The following TMEM163 variants were observed in gnomAD, a reference collection of about 807,000 sequenced individuals.
TMEM163 encodes transmembrane protein 163.
In TMEM163, 17 loss-of-function variants were observed where a neutral mutation model predicts 29.3. The observed-to-expected ratio is 0.58, with a 90% CI of 0.40 to 0.87. The LOEUF (loss-of-function observed/expected upper bound fraction) is 0.87, where lower values mean the gene tolerates loss of function less well. TMEM163 is among the 40% of genes least tolerant of loss of function. The probability of loss-of-function intolerance (pLI) is 0.00; values close to 1 mark genes in which losing one functional copy is unlikely to be tolerated. For missense variants in TMEM163, 303 were observed against 381.5 expected, an observed-to-expected ratio of 0.79 and a Z score of 1.71; for synonymous variants, 157 against 160.6, an observed-to-expected ratio of 0.98 and a Z score of 0.17.
At chr2:134,707,087 C>G (rs1684831746) in intron 2 of TMEM163, among the ~76,000 whole-genome samples, 1 of 152,224 alleles carries the variant, frequency 6.6e-6, no homozygotes, top group South Asian at 2.1e-4. Context: ...AGAACACCGC[C>G]AGGATGTGGC....
Position 134,472,072 on chromosome 2 carries a change from G to A in TMEM163, c.556-5847C>T, listed in dbSNP as rs573965674. The stretch of plus-strand genomic sequence containing the variant: ...ATGACAAAAAGGTTTAAGGAAATTA[G>A]CCACTCATTCAAAGCCAAGTATAAA... On this transcript the variant is annotated intron_variant, in intron 5 of 7. Transcript: ENST00000281924. 5.3e-5 allele frequency among the ~76,000 whole-genome samples: 8 copies of A among 152,332 alleles called. No homozygotes were observed. The South Asian group carries it at 1.7e-3, about 32-fold the overall frequency.
intron 4 of TMEM163, among the ~76,000 whole-genome samples, chr2:134,549,828 G>T (rs551546757): frequency 6.6e-6 from 1 of 151,164 alleles, no homozygotes; most frequent in Non-Finnish European, 1.5e-5. Context: ...ACATATTAGC[G>T]TATAGGTATA....
At chr2:134,462,260 C>T (rs956881402) in intron 6 of TMEM163, among the ~76,000 whole-genome samples, 2 of 152,110 alleles carry the variant, frequency 1.3e-5, no homozygotes, top group South Asian at 2.1e-4. Context: ...TCACCCTATC[C>T]GAGCTGCCAT....
chr2:134,577,423 T>A (rs926174937), intron 2 of TMEM163, among the ~76,000 whole-genome samples: 3 of 152,148 alleles, frequency 2.0e-5, no homozygotes, highest in Non-Finnish European at 4.4e-5. Context: ...GAGGCACAGC[T>A]GGGACGCTGA....
At chr2:134,550,920 G>A (rs1680905253) in intron 3 of TMEM163, among the ~76,000 whole-genome samples, 1 of 152,192 alleles carries the variant, frequency 6.6e-6, no homozygotes, top group Non-Finnish European at 1.5e-5. Flanking sequence ...AGCGGAAGGT[G>A]GGGGAGTTCA....
intron 2 of TMEM163, among the ~76,000 whole-genome samples, chr2:134,655,139 G>A (rs1683570493): frequency 7.2e-6 from 1 of 138,662 alleles, no homozygotes; most frequent in Admixed American, 7.1e-5. Flanking sequence ...ATCCTGCAGA[G>A]TGTTTTCCAA....
At chr2:134,625,142 G>A (rs749481019) in intron 2 of TMEM163, among the ~76,000 whole-genome samples, 2 of 152,048 alleles carry the variant, frequency 1.3e-5, no homozygotes, top group African/African-American at 2.4e-5. Context: ...AAGGGAGAGA[G>A]AAAGAGAGAA....
chr2:134,546,577 G>C (rs1027142545), intron 4 of TMEM163, among the ~76,000 whole-genome samples: 1 of 151,638 alleles, frequency 6.6e-6, no homozygotes, highest in African/African-American at 2.4e-5. Flanking sequence ...CCGGGAGGCG[G>C]AGCTTGCAGT....
intron 2 of TMEM163, among the ~76,000 whole-genome samples, chr2:134,586,869 T>C (rs546589984): frequency 1.3e-5 from 2 of 152,314 alleles, no homozygotes; most frequent in South Asian, 2.1e-4. Context: ...GCATCACCTA[T>C]ATTTGTTAAT....
In TMEM163 at chr2:134,565,434, C is replaced by T. The variant is rs971302164; in HGVS notation, c.323-13343G>A. 1.8e-4 allele frequency among the ~76,000 whole-genome samples: 27 copies of T among 151,906 alleles called. 1 individual carries two copies. The highest frequency in any genetic ancestry group is 1.5e-3 in the Admixed American group (23 of 15,258). On this transcript the variant is annotated intron_variant, in intron 2 of 7. Coordinates refer to ENST00000281924, the MANE Select transcript of TMEM163 (RefSeq NM_030923.5). ...CAGCCTGGCCAACATGGTGAAACCTCGTCTCTACTGAAAATACAAAAATTA... is the reference window on the plus strand; with the variant it reads ...CAGCCTGGCCAACATGGTGAAACCTTGTCTCTACTGAAAATACAAAAATTA...
At chr2:134,707,735 C>A (rs1684845669) in intron 2 of TMEM163, among the ~76,000 whole-genome samples, 1 of 151,872 alleles carries the variant, frequency 6.6e-6, no homozygotes, top group East Asian at 1.9e-4. Context: ...GGAATGGGCG[C>A]CTGCAGTTGG....
intron 4 of TMEM163, among the ~76,000 whole-genome samples, chr2:134,503,602 A>G (rs770249278): frequency 3.3e-5 from 5 of 152,336 alleles, no homozygotes; most frequent in East Asian, 1.9e-4. Context: ...CATTTTCCCA[A>G]TGATGAAAAG....
intron 2 of TMEM163, among the ~76,000 whole-genome samples, chr2:134,632,058 C>T (rs895516430): frequency 3.9e-5 from 6 of 152,134 alleles, no homozygotes; most frequent in Admixed American, 1.3e-4. Context: ...GGACAAAATT[C>T]ACATTTGTCT....
intron 2 of TMEM163, among the ~76,000 whole-genome samples, chr2:134,621,544 A>G (rs1682733996): frequency 6.6e-6 from 1 of 152,184 alleles, no homozygotes; most frequent in Non-Finnish European, 1.5e-5. Flanking sequence ...TAGCAGCATC[A>G]CTCATAACAC....
intron 2 of TMEM163, among the ~76,000 whole-genome samples, chr2:134,712,445 G>A (rs1684945916): frequency 7.2e-6 from 1 of 138,962 alleles, no homozygotes; most frequent in Admixed American, 7.3e-5. Flanking sequence ...GTCACAAAAT[G>A]CAGTCTTTCC....
At chr2:134,610,395 C>T (rs1398809996) in intron 2 of TMEM163, among the ~76,000 whole-genome samples, 1 of 152,200 alleles carries the variant, frequency 6.6e-6, no homozygotes, top group Admixed American at 6.5e-5. Context: ...TCAGCGTGAT[C>T]CGAGTCAGCT....
rs532352758 is a variant in TMEM163 at position 134,542,489 on chromosome 2, C to T, written c.458+8081G>A. Among the ~76,000 whole-genome samples, 167 of 152,300 alleles carry T rather than the reference C, an allele frequency of 1.1e-3. 1 individual carries two copies. The highest frequency in any genetic ancestry group is 1.8e-3 in the Non-Finnish European group (124 of 68,026). ...GCAATCCCCAGGCCACAGACTGTCA[C>T]CTGCTTTATCTGTATTTATAGCCAC... On this transcript the variant is annotated intron_variant, in intron 4 of 7. Coordinates refer to ENST00000281924, the MANE Select transcript of TMEM163 (RefSeq NM_030923.5).
At chr2:134,533,458 G>A (rs1253402233) in intron 4 of TMEM163, among the ~76,000 whole-genome samples, 2 of 152,174 alleles carry the variant, frequency 1.3e-5, no homozygotes, top group Non-Finnish European at 2.9e-5. Flanking sequence ...TCACTGTGAT[G>A]ATCTTTTATG....
rs113729696 is a variant in TMEM163, at chr2:134,565,568, T to C, written c.323-13477A>G. 3.4e-3 allele frequency among the ~76,000 whole-genome samples: 508 copies of C among 151,456 alleles called. 4 individuals are homozygous for C. The highest frequency in any genetic ancestry group is 0.025 in the South Asian group (119 of 4,800). ...TTGCAGTGAGCCAAGACTGAGCCAC[T>C]GCACTCCAGCCTGAGCGACTGAGGG... On this transcript the variant is annotated intron_variant, in intron 2 of 7. Transcript: ENST00000281924.
Sources: allele counts gnomAD v4.1 joint callset (sites outside exome capture counted in the v4.1 genomes callset), GRCh38; gene constraint gnomAD v4.1.1; transcripts MANE v1.5; gene names NCBI Gene and HGNC (gene_info 2026-07-23, HGNC 2026-07-21).